AFG2A: variants seen among roughly 807,000 people sequenced by gnomAD.
AFG2A encodes the protein ATPase family gene 2 protein homolog A.
chr4:123,262,559 G>T, the AFG2A span, among the ~76,000 whole-genome samples: 3 of 152,172 alleles, frequency 2.0e-5, no homozygotes, highest in African/African-American at 7.2e-5. Context: ...TTTGATAAAA[G>T]TTTGTCAATT....
chr4:123,106,357 T>C, the AFG2A span, among the ~76,000 whole-genome samples: 1 of 152,362 alleles, frequency 6.6e-6, no homozygotes, highest in Middle Eastern at 3.4e-3. Context: ...TTTATTGTGA[T>C]ATTAGCTTTA....
the AFG2A span, chr4:122,927,508 T>C: frequency 2.2e-6 from 2 of 899,332 alleles, no homozygotes; most frequent in African/African-American, 1.7e-5. Flanking sequence ...AACACTAGTT[T>C]CTCCAGGGTA....
the AFG2A span, among the ~76,000 whole-genome samples, chr4:123,030,557 TTCA>T: frequency 6.6e-6 from 1 of 152,232 alleles, no homozygotes; most frequent in Non-Finnish European, 1.5e-5. Flanking sequence ...ACAAATTATC[TTCA>T]TCAATTGAGT....
chr4:123,003,004 CT>C, the AFG2A span, among the ~76,000 whole-genome samples: 1 of 152,132 alleles, frequency 6.6e-6, no homozygotes, highest in Non-Finnish European at 1.5e-5. Flanking sequence ...TTGTTCATTT[CT>C]TTTTATTCTT....
chr4:123,295,683 G>C, the AFG2A span, among the ~76,000 whole-genome samples: 2 of 152,216 alleles, frequency 1.3e-5, no homozygotes, highest in Non-Finnish European at 2.9e-5. Flanking sequence ...GAAAGTTCTA[G>C]GACTCAGAGC....
the AFG2A span, among the ~76,000 whole-genome samples, chr4:122,939,345 G>C: frequency 6.6e-6 from 1 of 152,080 alleles, no homozygotes; most frequent in Non-Finnish European, 1.5e-5. Flanking sequence ...GCCTCCCAAA[G>C]TGCTGGGATT....
At chr4:123,143,545 G>A in the AFG2A span, among the ~76,000 whole-genome samples, 1 of 151,824 alleles carries the variant, frequency 6.6e-6, no homozygotes, top group Non-Finnish European at 1.5e-5. Context: ...TCCAATTTTC[G>A]GGCAAATAAC....
At chr4:123,114,124 C>T in the AFG2A span, among the ~76,000 whole-genome samples, 13 of 152,076 alleles carry the variant, frequency 8.5e-5, no homozygotes, top group Non-Finnish European at 1.6e-4. Context: ...CTCCTCTCTG[C>T]AGTCGGTCCC....
chr4:122,932,231 C>T, the AFG2A span, among the ~76,000 whole-genome samples: 1 of 151,326 alleles, frequency 6.6e-6, no homozygotes, highest in Non-Finnish European at 1.5e-5. Flanking sequence ...GCTGAGATCA[C>T]ACCACCGCAC....
the AFG2A span, among the ~76,000 whole-genome samples, chr4:123,118,353 T>TTATATATA: frequency 7.7e-6 from 1 of 129,856 alleles, no homozygotes; most frequent in East Asian, 2.1e-4. Flanking sequence ...ATTATATATA[T>TTATATATA]TATATATATA....
At chr4:123,056,363 A>G in the AFG2A span, 12 of 1,604,032 alleles carry the variant, frequency 7.5e-6, no homozygotes, top group East Asian at 2.7e-4. Context: ...AAAGACACTG[A>G]ACAGTTGTTT....
the AFG2A span, among the ~76,000 whole-genome samples, chr4:123,181,310 C>T: frequency 2.0e-5 from 3 of 151,692 alleles, no homozygotes; most frequent in East Asian, 5.8e-4. Context: ...TTTTTACAGC[C>T]CTTTAAAAAT....
the AFG2A span, among the ~76,000 whole-genome samples, chr4:123,209,572 G>A: frequency 3.3e-5 from 5 of 150,450 alleles, no homozygotes; most frequent in East Asian, 3.9e-4. Context: ...TTCAGCCAAC[G>A]GGATGCATCA....
At chr4:122,932,825 C>T in the AFG2A span, among the ~76,000 whole-genome samples, 7 of 152,250 alleles carry the variant, frequency 4.6e-5, no homozygotes, top group South Asian at 1.2e-3. Flanking sequence ...TCTGCCTTTT[C>T]AAGTAACATA....
the AFG2A span, among the ~76,000 whole-genome samples, chr4:122,932,983 C>T: frequency 6.6e-6 from 1 of 152,058 alleles, no homozygotes; most frequent in Non-Finnish European, 1.5e-5. Context: ...ATGTTTTTGC[C>T]TATGACAATA....
chr4:123,055,242 T>G, the AFG2A span, among the ~76,000 whole-genome samples: 1 of 152,226 alleles, frequency 6.6e-6, no homozygotes, highest in Admixed American at 6.5e-5. Flanking sequence ...TAACATCTAT[T>G]TTGGCTCATC....
At chr4:123,049,688 C>T in the AFG2A span, among the ~76,000 whole-genome samples, 1 of 151,822 alleles carries the variant, frequency 6.6e-6, no homozygotes, top group East Asian at 1.9e-4. Flanking sequence ...TTTTCTTTCT[C>T]TTCTCTGATT....
the AFG2A span, among the ~76,000 whole-genome samples, chr4:123,196,115 C>G: frequency 6.6e-6 from 1 of 151,056 alleles, no homozygotes; most frequent in Non-Finnish European, 1.5e-5. Context: ...ATTCTCCTGC[C>G]TCAGCCTCCC....
the AFG2A span, among the ~76,000 whole-genome samples, chr4:123,150,252 A>G: frequency 3.3e-5 from 5 of 152,330 alleles, no homozygotes; most frequent in East Asian, 7.7e-4. Context: ...CCTGTTCAAC[A>G]TAGTATTGGA....
Sources: allele counts gnomAD v4.1 joint callset (sites outside exome capture counted in the v4.1 genomes callset), GRCh38; gene constraint gnomAD v4.1.1; transcripts MANE v1.5; gene names NCBI Gene and HGNC (gene_info 2026-07-23, HGNC 2026-07-21).